GRID2: variants seen among roughly 807,000 people sequenced by gnomAD.
GRID2 encodes glutamate receptor ionotropic, delta-2.
GRID2 carries 33 observed loss-of-function variants against 114.8 expected under a neutral mutation model. That is an observed-to-expected ratio of 0.29 (90% confidence interval 0.22 to 0.38). The LOEUF is 0.38. GRID2 is among the 10% of genes least tolerant of loss of function. GRID2 has a pLI of 1.00. For synonymous variants in GRID2, 505 were observed against 449.9 expected (o/e 1.12, Z -1.55); for missense variants, 1,184 against 1,257.7 (o/e 0.94, Z 0.89).
intron 2 of GRID2, among the ~76,000 whole-genome samples, chr4:92,930,325 A>G (rs1047443669): frequency 4.0e-5 from 6 of 151,288 alleles, no homozygotes; most frequent in East Asian, 1.9e-4. Flanking sequence ...CAACGTTTTC[A>G]TCTTCAACTA....
At position 93,422,911 on chromosome 4, in the gene GRID2, C is replaced by T. The variant is rs760874767; in HGVS notation, c.1488C>T (p.Tyr496=). Residue 496 remains tyrosine (Y), a synonymous_variant, in exon 10 of 16, where the codon TAC becomes TAT. Coordinates refer to ENST00000282020, the MANE Select transcript of GRID2 (RefSeq NM_001510.4). The part of the protein sequence containing the change: ...YEIYVAPDHK[Y]GSPQEDGTWN... ...TTTACGTAGCACCGGATCACAAATA[C>T]GGAAGCCCACAAGAAGATGGGACAT... The T allele has an allele frequency of 7.4e-6, 12 of 1,613,638 alleles. No individual in the cohort carries two copies. The highest frequency in any genetic ancestry group is 2.2e-5 in the East Asian group (1 of 44,850).
At chr4:93,085,795 A>C (rs961120097) in intron 3 of GRID2, among the ~76,000 whole-genome samples, 10 of 152,104 alleles carry the variant, frequency 6.6e-5, no homozygotes, top group Admixed American at 1.3e-4. Flanking sequence ...ATATCACCAT[A>C]CAGTTCATAT....
At chr4:93,065,505 G>T (rs969766926) in intron 2 of GRID2, among the ~76,000 whole-genome samples, 7 of 151,870 alleles carry the variant, frequency 4.6e-5, no homozygotes, top group Non-Finnish European at 8.8e-5. Context: ...CTTATGTGTA[G>T]CTCTAAAGGC....
intron 2 of GRID2, among the ~76,000 whole-genome samples, chr4:92,660,879 C>T (rs1579789935): frequency 6.6e-6 from 1 of 150,980 alleles, no homozygotes; most frequent in Non-Finnish European, 1.5e-5. Flanking sequence ...ATATTTTGTT[C>T]ATTAAGATAA....
At chr4:93,624,754 A>T (rs1742541443) in intron 13 of GRID2, among the ~76,000 whole-genome samples, 1 of 152,164 alleles carries the variant, frequency 6.6e-6, no homozygotes, top group South Asian at 2.1e-4. Context: ...GAATTTCTTA[A>T]GTCCATTTTT....
chr4:92,576,783 T>C (rs982673027), intron 1 of GRID2, among the ~76,000 whole-genome samples: 2 of 152,134 alleles, frequency 1.3e-5, no homozygotes, highest in Non-Finnish European at 2.9e-5. Context: ...TTAGCTGGTA[T>C]TGGAGATCCC....
chr4:93,305,211 C>A (rs369417064), intron 8 of GRID2, among the ~76,000 whole-genome samples: 2 of 152,116 alleles, frequency 1.3e-5, no homozygotes, highest in Admixed American at 1.3e-4. Flanking sequence ...CTAAGAGCAC[C>A]TTTCTCCTCT....
At chr4:93,689,539 T>C (rs10010340) in intron 14 of GRID2, among the ~76,000 whole-genome samples, 86,397 of 151,772 alleles carry the variant, frequency 0.57, 25,215 homozygotes, top group East Asian at 0.74. Flanking sequence ...TGAGTGACTC[T>C]GCCCATCAAT....
chr4:93,413,583 T>A (rs1767420450), intron 9 of GRID2, among the ~76,000 whole-genome samples: 2 of 152,260 alleles, frequency 1.3e-5, no homozygotes, highest in African/African-American at 4.8e-5. Flanking sequence ...TCCTTGCCAG[T>A]CAGATAAGCA....
intron 2 of GRID2, among the ~76,000 whole-genome samples, chr4:92,658,060 CT>C (rs1246326853): frequency 6.6e-6 from 1 of 151,640 alleles, no homozygotes; most frequent in African/African-American, 2.4e-5. Flanking sequence ...CTGTTCTCCA[CT>C]TTTTTACATG....
intron 8 of GRID2, among the ~76,000 whole-genome samples, chr4:93,255,978 A>G (rs1022477023): frequency 2.0e-5 from 3 of 152,104 alleles, no homozygotes; most frequent in African/African-American, 7.2e-5. Flanking sequence ...ATTTTAAAAA[A>G]CCTTACTTAT....
At chr4:92,449,195 A>G (rs915845565) in intron 1 of GRID2, among the ~76,000 whole-genome samples, 1 of 152,056 alleles carries the variant, frequency 6.6e-6, no homozygotes, top group Admixed American at 6.6e-5. Flanking sequence ...TATTTGGATT[A>G]TTTCCTTAGG....
At chr4:93,545,397 C>T (rs1578229372) in intron 13 of GRID2, among the ~76,000 whole-genome samples, 1 of 152,080 alleles carries the variant, frequency 6.6e-6, no homozygotes, top group Non-Finnish European at 1.5e-5. Flanking sequence ...GAGAGACCAA[C>T]AAGTTCAAGA....
At chr4:93,717,060 A>G (rs1256145244) in intron 14 of GRID2, among the ~76,000 whole-genome samples, 2 of 152,144 alleles carry the variant, frequency 1.3e-5, no homozygotes, top group African/African-American at 4.8e-5. Flanking sequence ...ATTTCCTGCT[A>G]ACTATTCAAT....
intron 2 of GRID2, among the ~76,000 whole-genome samples, chr4:93,048,497 T>C (rs944896017): frequency 1.1e-4 from 16 of 152,168 alleles, no homozygotes; most frequent in Admixed American, 9.2e-4. Flanking sequence ...GGCAAATCAC[T>C]GACTTCTGAA....
intron 2 of GRID2, among the ~76,000 whole-genome samples, chr4:92,734,793 T>C (rs1215098430): frequency 6.6e-6 from 1 of 151,670 alleles, no homozygotes; most frequent in African/African-American, 2.4e-5. Context: ...TTTTTTTTTT[T>C]TCTGGAGACA....
At chr4:92,952,466 C>T (rs1752106148) in intron 2 of GRID2, among the ~76,000 whole-genome samples, 1 of 152,156 alleles carries the variant, frequency 6.6e-6, no homozygotes, top group Admixed American at 6.5e-5. Flanking sequence ...TACAATAACT[C>T]AGATTGTTTT....
intron 2 of GRID2, among the ~76,000 whole-genome samples, chr4:93,061,038 C>T (rs1211380121): frequency 2.6e-5 from 4 of 151,692 alleles, no homozygotes; most frequent in African/African-American, 4.8e-5. Flanking sequence ...GAGAGGCGGA[C>T]GTTGCAGTGA....
At chr4:93,099,316 A>C (rs1450107311) in intron 3 of GRID2, among the ~76,000 whole-genome samples, 1 of 151,878 alleles carries the variant, frequency 6.6e-6, no homozygotes, top group Non-Finnish European at 1.5e-5. Flanking sequence ...ACCCTTTGAA[A>C]GTTTAGTTTA....
Sources: gnomAD v4.1 joint callset for allele counts (sites outside exome capture counted in the v4.1 genomes callset) on GRCh38, gnomAD v4.1.1 for gene constraint, MANE v1.5 for transcripts, NCBI Gene and HGNC (gene_info 2026-07-23, HGNC 2026-07-21) for gene names.